AMOT: variants seen among roughly 807,000 people sequenced by gnomAD.
AMOT encodes angiomotin.
Under a neutral mutation model 67.0 loss-of-function variants are expected in AMOT, and 11 were observed. The observed-to-expected ratio is 0.16, with a 90% CI of 0.10 to 0.27. AMOT has a LOEUF of 0.27. Among genes scored for constraint, AMOT ranks in the 10% least tolerant of loss-of-function variants. The pLI is 1.00. For missense variants in AMOT, 753 were observed against 852.0 expected (o/e 0.88, Z 1.45); for synonymous variants, 326 against 321.4 (o/e 1.01, Z -0.15).
intron 3 of AMOT, among the ~76,000 whole-genome samples, chrX:112,824,568 G>A (rs1006575928): frequency 3.6e-5 from 4 of 111,151 alleles, no homozygotes; most frequent in Non-Finnish European, 7.5e-5. Flanking sequence ...CTTTCTTCAC[G>A]TCTTGTTGGT....
chrX:112,803,797 G>C (rs1934086313), intron 8 of AMOT, among the ~76,000 whole-genome samples: 1 of 112,777 alleles, frequency 8.9e-6, no homozygotes, highest in East Asian at 2.8e-4. Flanking sequence ...ACAATAGCCA[G>C]AATGCTTTTT....
At chrX:112,814,775 GT>G (rs1238502245) in intron 5 of AMOT, among the ~76,000 whole-genome samples, 1 of 111,798 alleles carries the variant, frequency 8.9e-6, no homozygotes, top group Non-Finnish European at 1.9e-5. Flanking sequence ...GAGAGCAGAT[GT>G]TGAATTTGAG....
rs1378653477 is a variant in AMOT at position 112,815,864 on chromosome X, T to A, written c.886A>T (p.Ile296Phe). 14 of 1,165,151 alleles carry A rather than the reference T, an allele frequency of 1.2e-5. No homozygotes were observed. Among genetic ancestry groups the A allele is most frequent in the Non-Finnish European group, 5.7e-6 (5 of 871,871 alleles). Residue 296 changes from isoleucine to phenylalanine, a missense_variant, in exon 5 of 14, where the codon ATC (isoleucine) becomes TTC (phenylalanine). By Grantham distance (21) the Ile-to-Phe change is conservative. Coordinates refer to ENST00000371959, the MANE Select transcript of AMOT (RefSeq NM_001113490.2). The part of the protein sequence containing the change: ...EYGAARPAQD[I>F]SLPLSARNSQ... Reference sequence around the variant, plus strand: ...TTCCTGGCTGACAATGGCAATGAGATGTCCTGCGCTGGCCTGTAAAACATG... The same window carrying A: ...TTCCTGGCTGACAATGGCAATGAGAAGTCCTGCGCTGGCCTGTAAAACATG...
rs1209150337 is a variant in AMOT at position 112,777,649 on chromosome X, T to G, written c.*918A>C. The G allele has an allele frequency of 8.9e-6, 1 of 111,984 alleles. No homozygotes were observed. The highest frequency in any genetic ancestry group is 1.9e-5 in the Non-Finnish European group (1 of 53,227). 9.2% of individuals were successfully genotyped at this position (111,984 alleles called of 1,213,427 possible). A position where few individuals can be genotyped will look rare whatever the true frequency, so the allele number is the denominator to read the frequency against. On this transcript the variant is annotated 3_prime_UTR_variant, in exon 14 of 14. Coordinates refer to ENST00000371959, the MANE Select transcript of AMOT (RefSeq NM_001113490.2). ...ACTGGAGACCCAGCCAGTGAATCTG[T>G]GCTGTAGAAGAAATAAACACTAAGC... is the stretch of plus-strand genomic sequence containing the variant.
Position 112,777,464 on chromosome X carries a change from A to T in AMOT, c.*1103T>A, listed in dbSNP as rs583430. 0.36 allele frequency: 40,592 copies of T among 111,485 alleles called. 9,182 individuals carry two copies. Among genetic ancestry groups the T allele is most frequent in the African/African-American group, 0.85 (26,001 of 30,505 alleles). The allele number at this position is 111,485 out of a possible 1,213,427, so 9.2% of individuals were successfully genotyped here. ...GCAGCATAGTACTTTGGGTTTCTCAAGCTATTCCCTTGGAGGTGATAGTCA... is the reference window on the plus strand; with the variant it reads ...GCAGCATAGTACTTTGGGTTTCTCATGCTATTCCCTTGGAGGTGATAGTCA... On this transcript the variant is annotated 3_prime_UTR_variant, in exon 14 of 14. Coordinates refer to ENST00000371959, the MANE Select transcript of AMOT (RefSeq NM_001113490.2).
intron 10 of AMOT, among the ~76,000 whole-genome samples, chrX:112,784,895 T>A (rs982387938): frequency 8.9e-6 from 1 of 111,850 alleles, no homozygotes; most frequent in Non-Finnish European, 1.9e-5. Flanking sequence ...TTTCATTGCA[T>A]AAAAGACCAT....
In AMOT at chrX:112,811,330, T is replaced by C; in HGVS notation, c.1456A>G (p.Arg486Gly). Residue 486 changes from arginine to glycine, a missense_variant, in exon 6 of 14, where the codon AGA becomes GGA. This residue lies in a region of AMOT where 297 missense variants were observed against 284.3 expected (regional missense o/e 1.04). Coordinates refer to ENST00000371959, the MANE Select transcript of AMOT (RefSeq NM_001113490.2). ...CTCATGGCTTTCTCTAGGGCCTCTC[T>C]TTTGGAGGATGACTTCACGAGGTTC... ...YENLVKSSSKREALEKAMRNK... is the reference protein window; with the variant it reads ...YENLVKSSSKGEALEKAMRNK... 1 of 1,211,021 alleles carries C rather than the reference T, an allele frequency of 8.3e-7. No homozygotes were observed. Among genetic ancestry groups the C allele is most frequent in the Non-Finnish European group, 1.1e-6 (1 of 895,079 alleles).
At chrX:112,801,329 T>C (rs1215249936) in intron 8 of AMOT, among the ~76,000 whole-genome samples, 2 of 111,311 alleles carry the variant, frequency 1.8e-5, no homozygotes, top group African/African-American at 6.5e-5. Context: ...AGGACCTACG[T>C]GTCCCGAAAG....
chrX:112,792,622 G>A (rs113223888), intron 8 of AMOT, among the ~76,000 whole-genome samples: 5,528 of 111,401 alleles, frequency 0.05, 106 homozygotes, highest in Middle Eastern at 0.079. Context: ...TCACGTGATG[G>A]GTCAAAAGCC....
rs754039499 is a variant in AMOT, at chrX:112,779,334, A to G, written c.2820T>C (p.Ser940=). 6.2e-6 allele frequency: 5 copies of G among 808,049 alleles called. 1 individual carries two copies. The highest frequency in any genetic ancestry group is 5.2e-5 in the Admixed American group (2 of 38,434). The allele number at this position is 808,049 out of a possible 1,213,427, so 66.6% of individuals were successfully genotyped here. A position where few individuals can be genotyped will look rare whatever the true frequency, so the allele number is the denominator to read the frequency against. Residue 940 remains serine (S), a synonymous_variant, in exon 13 of 14, where the codon TCT becomes TCC. Coordinates refer to ENST00000371959, the MANE Select transcript of AMOT (RefSeq NM_001113490.2). ...CTGGAATCTGACCAGCAGCAGCTGG[A>G]GAAACAGCAGCAGCAGTAGCAGCGG... is the stretch of plus-strand genomic sequence containing the variant. ...ATAAATAAAV[S]PAAAGQIPAA...
At chrX:112,835,889 A>G (rs1362548866) in intron 1 of AMOT, among the ~76,000 whole-genome samples, 4 of 111,257 alleles carry the variant, frequency 3.6e-5, no homozygotes, top group Non-Finnish European at 7.5e-5. Context: ...TGGCTAATCC[A>G]TCAAATCTTA....
chrX:112,833,421 C>G (rs577557385), intron 1 of AMOT, among the ~76,000 whole-genome samples: 7 of 106,728 alleles, frequency 6.6e-5, no homozygotes, highest in East Asian at 5.9e-4. Flanking sequence ...ATCATGTTCC[C>G]CTAACCAAAG....
At chrX:112,825,504 C>A in intron 2 of AMOT, among the ~76,000 whole-genome samples, 1 of 111,643 alleles carries the variant, frequency 9.0e-6, no homozygotes, top group South Asian at 3.8e-4. Context: ...GCTACCACTT[C>A]CATTCCAAGT....
rs749411318 is a variant in AMOT, at chrX:112,781,058, C to T, written c.2301G>A (p.Gln767=). ...EKDAMIKVLQ[Q]RSRKEPSKTE... ...TCTTGCTCGGCTCCTTCCGGGAACG[C>T]TGCTGGAGTACTTTGATCATGGCAT... is the stretch of plus-strand genomic sequence containing the variant. Residue 767 remains glutamine, a synonymous_variant, in exon 12 of 14, where the codon CAG becomes CAA. Coordinates refer to ENST00000371959, the MANE Select transcript of AMOT (RefSeq NM_001113490.2). 1 of 1,212,103 alleles carries T rather than the reference C, an allele frequency of 8.3e-7. No individual in the cohort carries two copies. The highest frequency in any genetic ancestry group is 1.8e-5 in the South Asian group (1 of 56,996).
chrX:112,835,584 ATC>A (rs776469359), intron 1 of AMOT, among the ~76,000 whole-genome samples: 1 of 60,825 alleles, frequency 1.6e-5, no homozygotes, highest in Non-Finnish European at 3.2e-5. Flanking sequence ...AATCCATCAA[ATC>A]TTTTTTTTTT....
intron 5 of AMOT, among the ~76,000 whole-genome samples, chrX:112,812,002 A>G (rs1226035738): frequency 1.8e-5 from 2 of 112,461 alleles, no homozygotes; most frequent in Admixed American, 9.4e-5. Flanking sequence ...GTGTGTAAAT[A>G]TGAATGAGAA....
intron 10 of AMOT, among the ~76,000 whole-genome samples, chrX:112,790,251 G>A (rs980003832): frequency 9.2e-6 from 1 of 108,477 alleles, no homozygotes; most frequent in Non-Finnish European, 1.9e-5. Flanking sequence ...CTTTCACTCC[G>A]GTCCTGGGGC....
rs191470400 is a variant in AMOT, at chrX:112,815,897, G to A, written c.873-20C>T. 18 of 1,152,528 alleles carry A rather than the reference G, an allele frequency of 1.6e-5. No individual in the cohort carries two copies. In the East Asian group the frequency reaches 5.2e-4, roughly 34 times the overall value. 95.0% of individuals were successfully genotyped at this position (1,152,528 alleles called of 1,213,427 possible). A position where few individuals can be genotyped will look rare whatever the true frequency, so the allele number is the denominator to read the frequency against. On this transcript the variant is annotated intron_variant, in intron 4 of 13. Transcript: ENST00000371959. ...GCTGGCCTGTAAAACATGAAGGGCA[G>A]GTGCGGGTTAATTTCTCTCCTAAGG...
intron 8 of AMOT, among the ~76,000 whole-genome samples, chrX:112,804,231 C>T (rs938641029): frequency 2.7e-5 from 3 of 111,573 alleles, no homozygotes; most frequent in Admixed American, 1.9e-4. Flanking sequence ...GTCCATTCCT[C>T]CACGTAACTA....
Sources: allele counts gnomAD v4.1 joint callset (sites outside exome capture counted in the v4.1 genomes callset), GRCh38; gene constraint gnomAD v4.1.1; regional missense constraint gnomAD v4.1.1; transcripts MANE v1.5; gene names NCBI Gene and HGNC (gene_info 2026-07-23, HGNC 2026-07-21).